The following GNL3L variants were observed in gnomAD, a reference collection of about 807,000 sequenced individuals.
GNL3L encodes guanine nucleotide-binding protein-like 3-like protein.
A neutral mutation model predicts 42.9 loss-of-function variants in GNL3L; 4 were observed. The ratio of observed to expected loss-of-function variants is 0.09; its 90% CI spans 0.05 to 0.21. The LOEUF (loss-of-function observed/expected upper bound fraction) is 0.21. Among genes scored for constraint, GNL3L ranks in the 10% least tolerant of loss-of-function variants. GNL3L has a pLI of 1.00. For synonymous variants in GNL3L, 159 were observed against 176.3 expected, an observed-to-expected ratio of 0.90 and a Z score of 0.78; for missense variants, 412 against 481.7, an observed-to-expected ratio of 0.86 and a Z score of 1.36.
At chrX:54,640,510 T>G in the GNL3L span, among the ~76,000 whole-genome samples, 1 of 112,309 alleles carries the variant, frequency 8.9e-6, no homozygotes, top group East Asian at 2.8e-4. Flanking sequence ...GGTTGTAGAA[T>G]GTTCCATTAG....
At chrX:54,628,135 A>G in the GNL3L span, among the ~76,000 whole-genome samples, 1 of 110,751 alleles carries the variant, frequency 9.0e-6, no homozygotes, top group African/African-American at 3.3e-5. Context: ...TTCACTTAGA[A>G]TAATGGTCTC....
At chrX:54,609,347 G>A (rs1383300161) in intron 16 of GNL3L, among the ~76,000 whole-genome samples, 1 of 112,447 alleles carries the variant, frequency 8.9e-6, no homozygotes, top group Non-Finnish European at 1.9e-5. Context: ...AAGCTCTTTA[G>A]TTTAATTAGG....
chrX:54,573,700 G>C, intron 16 of GNL3L, among the ~76,000 whole-genome samples: 1 of 111,555 alleles, frequency 9.0e-6, no homozygotes, highest in South Asian at 3.8e-4. Flanking sequence ...TTAAATTTGG[G>C]TGTTTGAAAA....
At chrX:54,630,697 C>CCTTCCTTCCTTCCTTT in the GNL3L span, among the ~76,000 whole-genome samples, 1 of 5,813 alleles carries the variant, frequency 1.7e-4, no homozygotes, top group South Asian at 0.036. Flanking sequence ...TTCCTTCCTT[C>CCTTCCTTCCTTCCTTT]CTTTCTTTCT....
At chrX:54,531,638 A>G (rs1924250912) in intron 1 of GNL3L, among the ~76,000 whole-genome samples, 1 of 111,549 alleles carries the variant, frequency 9.0e-6, no homozygotes, top group Admixed American at 9.6e-5. Context: ...AGGGTCCAGA[A>G]TAGCTCACTG....
intron 5 of GNL3L, among the ~76,000 whole-genome samples, chrX:54,542,211 A>G (rs1924642879): frequency 9.1e-6 from 1 of 110,004 alleles, no homozygotes. Context: ...CTTGTCATTT[A>G]CATTAGGTAT....
chrX:54,543,038 G>A lies in GNL3L; in HGVS notation c.390G>A (p.Lys130=), dbSNP rs1248064384. 1 of 1,145,360 alleles carries A rather than the reference G, an allele frequency of 8.7e-7. No homozygotes were observed. Among genetic ancestry groups the A allele is most frequent in the Non-Finnish European group, 1.2e-6 (1 of 836,768 alleles). 94.4% of individuals were successfully genotyped at this position (1,145,360 alleles called of 1,213,427 possible). A position where few individuals can be genotyped will look rare whatever the true frequency, so the allele number is the denominator to read the frequency against. The change falls in exon 6 of 16, where the codon AAG becomes AAA. Residue 130 remains lysine (K), a splice_region_variant and synonymous_variant. Transcript: ENST00000360845. ...TRKAYYKEFR[K]VVEYSDVILE... is the part of the protein sequence containing the mutation. ...AGGCTTATTACAAGGAGTTCCGTAA[G>A]GTACAGGGTTCCATTTCTTCAGGCT... is the stretch of plus-strand genomic sequence containing the variant.
intron 16 of GNL3L, among the ~76,000 whole-genome samples, chrX:54,607,734 G>A (rs903067090): frequency 8.9e-6 from 1 of 112,062 alleles, no homozygotes; most frequent in African/African-American, 3.2e-5. Flanking sequence ...GTCACATGTA[G>A]CTGGTGGCTA....
rs184657140 is a variant in GNL3L, at chrX:54,613,209, G to C, written c.*46-7636G>C. Among the ~76,000 whole-genome samples the C allele has an allele frequency of 2.8e-3, 315 of 111,185 alleles. 1 individual carries two copies. The highest frequency in any genetic ancestry group is 9.8e-3 in the African/African-American group (301 of 30,639). ...AGCTCTGAATTTCTCTCTTCTACTT[G>C]TCCGGTTCTATTGCTGAGACTTTCG... is the stretch of plus-strand genomic sequence containing the variant. On this transcript the variant is annotated intron_variant, in intron 16 of 16. Transcript: ENST00000674498.
downstream of GNL3L, among the ~76,000 whole-genome samples, chrX:54,567,763 A>C (rs777133781): frequency 6.4e-5 from 7 of 110,040 alleles, no homozygotes; most frequent in East Asian, 2.0e-3. Context: ...ATTGCCCTTT[A>C]CTAGTATGAG....
At chrX:54,584,824 G>A (rs764494651) in intron 16 of GNL3L, among the ~76,000 whole-genome samples, 1 of 112,545 alleles carries the variant, frequency 8.9e-6, no homozygotes, top group Non-Finnish European at 1.9e-5. Flanking sequence ...TTGAGACGGA[G>A]TCTCAGGCTG....
chrX:54,575,923 A>G lies in GNL3L; in HGVS notation c.*45+15276A>G, dbSNP rs182205836. 3.8e-3 allele frequency among the ~76,000 whole-genome samples: 421 copies of G among 111,900 alleles called. 1 individual carries two copies. The highest frequency in any genetic ancestry group is 5.8e-3 in the Non-Finnish European group (311 of 53,179). Reference sequence around the variant, plus strand: ...GAAGCTCCATCTCAAAAAAAAATGTATTAATACTTATTCTATGGCATTGAA... The same window carrying G: ...GAAGCTCCATCTCAAAAAAAAATGTGTTAATACTTATTCTATGGCATTGAA... On this transcript the variant is annotated intron_variant, in intron 16 of 16. Transcript: ENST00000674498.
chrX:54,539,262 TCAG>T (rs1447436488), intron 3 of GNL3L, among the ~76,000 whole-genome samples, 161 bp downstream of exon 3: 1 of 111,240 alleles, frequency 9.0e-6, no homozygotes, highest in Non-Finnish European at 1.9e-5. Context: ...CAGCAGAGAA[TCAG>T]CAGCATTTTT....
chrX:54,551,106 C>T, intron 10 of GNL3L, 56 bp downstream of exon 10: 1 of 650,318 alleles, frequency 1.5e-6, no homozygotes, highest in Non-Finnish European at 2.6e-6. Context: ...CATTTCCCCC[C>T]AACTCCCATG....
rs747570776 is a variant in GNL3L at position 54,552,373 on chromosome X, G to T, written c.1263G>T (p.Met421Ile). Residue 421 changes from methionine to isoleucine, a missense_variant, in exon 13 of 16, where the codon ATG (methionine) becomes ATT (isoleucine). Coordinates refer to ENST00000360845, the MANE Select transcript of GNL3L (RefSeq NM_001184819.2). ...TCAGTGCTGAGATCGTTAAGGAAAT[G>T]ACCGAGGTCTTTGACATCGAGGATA... ...THLSAEIVKE[M>I]TEVFDIEDTE... 2 of 1,208,317 alleles carry T rather than the reference G, an allele frequency of 1.7e-6. No homozygotes were observed. The highest frequency in any genetic ancestry group is 2.2e-6 in the Non-Finnish European group (2 of 892,485).
At chrX:54,568,063 G>A (rs1305588248), downstream of GNL3L, among the ~76,000 whole-genome samples, 1 of 107,585 alleles carries the variant, frequency 9.3e-6, no homozygotes, top group Non-Finnish European at 1.9e-5. Context: ...CTGCCTCCCG[G>A]GTTCAAGTGA....
At position 54,562,591 on chromosome X, in the gene GNL3L, T is replaced by A. The variant is rs771758599; in HGVS notation, c.*1989T>A. Among the ~76,000 whole-genome samples, 120 of 110,390 alleles carry A rather than the reference T, an allele frequency of 1.1e-3. No homozygotes were observed. The highest frequency in any genetic ancestry group is 3.9e-3 in the African/African-American group (119 of 30,323). ...CCACCGTTAACCCTCAATACAGCTC[T>A]GCTAGTAAGGGATTCGTCTCCCCAA... On this transcript the variant is annotated 3_prime_UTR_variant, in exon 16 of 16. Coordinates refer to ENST00000360845, the MANE Select transcript of GNL3L (RefSeq NM_001184819.2).
chrX:54,552,126 T>G (rs1288588726), intron 12 of GNL3L, 152 bp downstream of exon 12: 1 of 810,381 alleles, frequency 1.2e-6, no homozygotes, highest in Non-Finnish European at 1.8e-6. Context: ...TGCTCGAGAC[T>G]TTATGCCCAG....
chrX:54,551,530 T>C, intron 10 of GNL3L, 38 bp from the exon 11 acceptor site: 1 of 1,166,266 alleles, frequency 8.6e-7, no homozygotes, highest in Non-Finnish European at 1.2e-6. Context: ...GCCTCTACGA[T>C]GCCAGGTACA....
Sources: allele counts gnomAD v4.1 joint callset (sites outside exome capture counted in the v4.1 genomes callset), GRCh38; gene constraint gnomAD v4.1.1; transcripts MANE v1.5; gene names NCBI Gene and HGNC (gene_info 2026-07-23, HGNC 2026-07-21).